Variants in PARP4 observed in about 807,000 individuals in gnomAD.
PARP4 encodes poly(ADP-ribose) polymerase family member 4, also known as protein mono-ADP-ribosyltransferase PARP4.
A neutral mutation model predicts 187.7 loss-of-function variants in PARP4; 120 were observed. The ratio of observed to expected loss-of-function variants is 0.64; its 90% CI spans 0.55 to 0.74. PARP4 has a LOEUF of 0.74. Ranked by LOEUF, PARP4 falls within the 30% of genes least tolerant of loss-of-function variation. The pLI, the probability that PARP4 is intolerant of heterozygous loss-of-function variation, is 0.00. For synonymous variants in PARP4, 654 were observed against 740.9 expected (o/e 0.88, Z 1.90); for missense variants, 1,836 against 2,070.5 (o/e 0.89, Z 2.20).
At chr13:24,492,316 G>T in intron 9 of PARP4, 105 bp downstream of exon 9, 1 of 747,282 alleles carries the variant, frequency 1.3e-6, no homozygotes. Flanking sequence ...GTACAACTCT[G>T]GAGACAATTT....
At chr13:24,479,281 A>G (rs1324471466) in intron 12 of PARP4, among the ~76,000 whole-genome samples, 5 of 151,658 alleles carry the variant, frequency 3.3e-5, no homozygotes, top group Non-Finnish European at 7.4e-5. Context: ...CAGTTCCCCC[A>G]TTCCTTCTAA....
At chr13:24,453,329 G>A (rs539945582) in intron 23 of PARP4, among the ~76,000 whole-genome samples, 2 of 151,728 alleles carry the variant, frequency 1.3e-5, no homozygotes, top group South Asian at 2.1e-4. Flanking sequence ...AAGGACAGAA[G>A]AAAACTTCTC....
intron 33 of PARP4, among the ~76,000 whole-genome samples, chr13:24,424,850 T>G (rs1198009385): frequency 0.011 from 1,690 of 151,844 alleles, 27 homozygotes; most frequent in African/African-American, 0.039. Flanking sequence ...TTTTTTTTTT[T>G]TTTGTATTTT....
At chr13:24,457,788 A>AAAAG (rs1251922869) in intron 20 of PARP4, among the ~76,000 whole-genome samples, 22 of 149,296 alleles carry the variant, frequency 1.5e-4, no homozygotes, top group African/African-American at 5.4e-4. Flanking sequence ...AAAAAAAAAA[A>AAAAG]AAAAAAAAGA....
intron 1 of PARP4, among the ~76,000 whole-genome samples, chr13:24,504,228 C>T (rs1869474752): frequency 6.6e-6 from 1 of 150,620 alleles, no homozygotes; most frequent in Non-Finnish European, 1.5e-5. Flanking sequence ...AACTGAACAG[C>T]TGATAATAAA....
chr13:24,435,435 A>T lies in PARP4; in HGVS notation c.3706T>A (p.Ser1236Thr). The change falls in exon 31 of 34, where the codon TCC becomes ACC. Residue 1236 changes from serine to threonine, a missense_variant. Physicochemically the swap from Ser to Thr is moderately conservative, Grantham distance 58 (BLOSUM62 1). Transcript: ENST00000381989. ...GGAATTTTCCTATGTTTTCGTTTGG[A>T]TAAACGTAATTCTGGCCACTCAGAG... is the stretch of plus-strand genomic sequence containing the variant. The part of the protein sequence containing the change: ...ASSEWPELRL[S>T]KRKHRKIPFS... The T allele has an allele frequency of 6.2e-7, 1 of 1,609,036 alleles. No homozygotes were observed. Among genetic ancestry groups the T allele is most frequent in the African/African-American group, 1.3e-5 (1 of 74,686 alleles).
intron 20 of PARP4, 110 bp downstream of exon 20, chr13:24,458,915 CAGGAGTAGTGCTTCTTGTT>C: frequency 1.5e-6 from 1 of 688,126 alleles, no homozygotes; most frequent in Non-Finnish European, 2.6e-6. Flanking sequence ...GAATCAGGGG[CAGGAGTAGTGCTTCTTGTT>C]AGAAGTTTTG....
intron 29 of PARP4, among the ~76,000 whole-genome samples, 195 bp from the exon 30 acceptor site, chr13:24,442,163 T>C (rs1298428190): frequency 2.0e-4 from 30 of 150,750 alleles, no homozygotes; most frequent in African/African-American, 7.1e-4. Context: ...TGGCAGGTGC[T>C]GGCCACTGTG....
chr13:24,483,031 T>C (rs1329079041), intron 12 of PARP4, among the ~76,000 whole-genome samples: 2 of 152,030 alleles, frequency 1.3e-5, no homozygotes, highest in Admixed American at 6.5e-5. Context: ...TTTCTTTTTT[T>C]TTTTTAAGAG....
intron 11 of PARP4, among the ~76,000 whole-genome samples, chr13:24,485,728 T>C (rs1873518114): frequency 6.6e-6 from 1 of 152,264 alleles, no homozygotes; most frequent in Non-Finnish European, 1.5e-5. Context: ...TCTTTAAATA[T>C]TGGGCTATCC....
At position 24,478,244 on chromosome 13, in the gene PARP4, G is replaced by C. The variant is rs542364083; in HGVS notation, c.1481C>G (p.Thr494Arg). 1.2e-6 allele frequency: 2 copies of C among 1,612,016 alleles called. No homozygotes were observed. Among genetic ancestry groups the C allele is most frequent in the Non-Finnish European group, 1.7e-6 (2 of 1,178,778 alleles). ...TSIKYSHPGE[T>R]DGTRLLLICD... ...AATGAGCAGGAGTCTGGTGCCATCT[G>C]TCTCTCCCGGGTGTGAGTACTTGAT... The change falls in exon 13 of 34, where the codon ACA becomes AGA. Residue 494 changes from threonine to arginine, a missense_variant. Physicochemically the swap from Thr to Arg is moderately conservative, Grantham distance 71. Transcript: ENST00000381989.
intron 32 of PARP4, among the ~76,000 whole-genome samples, chr13:24,429,638 C>A (rs1490488924): frequency 1.3e-5 from 2 of 152,202 alleles, no homozygotes; most frequent in African/African-American, 4.8e-5. Flanking sequence ...TTTGGTGCCA[C>A]TTGAACTCTA....
rs925331265 is a variant in PARP4 at position 24,452,686 on chromosome 13, T to C, written c.2827-93A>G. The C allele has an allele frequency of 8.6e-6, 8 of 926,566 alleles. No homozygotes were observed. In the Admixed American group the frequency reaches 2.0e-4, roughly 23 times the overall value. 57.4% of individuals were successfully genotyped at this position (926,566 alleles called of 1,614,324 possible). On this transcript the variant is annotated intron_variant, in intron 23 of 33. Transcript: ENST00000381989. The stretch of plus-strand genomic sequence containing the variant: ...GACACATCTAAGGACAGTGTAGGGA[T>C]ATGGTGACACCGAAAATATTTTCTT...
intron 17 of PARP4, among the ~76,000 whole-genome samples, chr13:24,465,187 G>T (rs572421860): frequency 1.3e-5 from 2 of 152,336 alleles, no homozygotes; most frequent in East Asian, 3.9e-4. Context: ...TACTCTGTTG[G>T]TGGGAGTGTA....
Position 24,435,016 on chromosome 13 carries a change from G to T in PARP4, c.4125C>A (p.Asp1375Glu), listed in dbSNP as rs1255508848. 6.2e-7 allele frequency: 1 copy of T among 1,613,848 alleles called. No individual in the cohort carries two copies. The highest frequency in any genetic ancestry group is 1.3e-5 in the African/African-American group (1 of 74,928). Residue 1375 changes from aspartate (D) to glutamate (E), a missense_variant, in exon 31 of 34, where the codon GAC becomes GAA. Around this residue, in one of 8 missense-constraint regions of PARP4, gnomAD observed 450 missense variants for 439.2 expected, o/e 1.02. Transcript: ENST00000381989. ...GACAAGACGCCGACTGTGGGATCCA[G>T]TCAGCACAAGTGCCAGGCACAGGGC... ...SQGPVPGTCA[D>E]WIPQSASCPT...
chr13:24,426,513 T>A lies in PARP4; in HGVS notation c.4932A>T (p.Gly1644=). ...QFIRTRLEKE[G]IVFKSLMKMD... ...TTTTCATCAGTGATTTGAACACTAT[T>A]CCCTCTTTTTCCAACCTGGTGCGAA... Residue 1644 remains glycine, a synonymous_variant, in exon 33 of 34, where the codon GGA becomes GGT. Coordinates refer to ENST00000381989, the MANE Select transcript of PARP4 (RefSeq NM_006437.4). 6.2e-7 allele frequency: 1 copy of A among 1,611,950 alleles called. No individual in the cohort carries two copies. Among genetic ancestry groups the A allele is most frequent in the East Asian group, 2.2e-5 (1 of 44,866 alleles).
Position 24,441,660 on chromosome 13 carries a change from T to C in PARP4, c.3666+186A>G, listed in dbSNP as rs73458973. ...TGTACTATACAGCTCCATTCACACA[T>C]TGTGAAGTCTCTGTAATGCAACATG... On this transcript the variant is annotated intron_variant, in intron 30 of 33. Transcript: ENST00000381989. Among the ~76,000 whole-genome samples, 7,696 of 145,142 alleles carry C rather than the reference T, an allele frequency of 0.053. 525 individuals are homozygous for C. Among genetic ancestry groups the C allele is most frequent in the African/African-American group, 0.17 (6,711 of 39,564 alleles).
At chr13:24,503,591 T>G (rs1272762784) in intron 2 of PARP4, 54 bp downstream of exon 2, 12 of 1,594,356 alleles carry the variant, frequency 7.5e-6, no homozygotes, top group Admixed American at 1.7e-5. Flanking sequence ...CATGACCCTG[T>G]TCCCTGAATG....
In PARP4 at chr13:24,455,009, G is replaced by A. The variant is rs199825180; in HGVS notation, c.2758+8C>T. On this transcript the variant is annotated splice_region_variant and intron_variant, in intron 22 of 33. Coordinates refer to ENST00000381989, the MANE Select transcript of PARP4 (RefSeq NM_006437.4). ...GCACACGCAGGACCAGGGCCAAAGC[G>A]CACTCACCTGTGCCGAACTGGATAA... 41 of 1,571,362 alleles carry A rather than the reference G, an allele frequency of 2.6e-5. No homozygotes were observed. The highest frequency in any genetic ancestry group is 2.3e-5 in the South Asian group (2 of 87,318).
Sources: gnomAD v4.1 joint callset for allele counts (sites outside exome capture counted in the v4.1 genomes callset) on GRCh38, gnomAD v4.1.1 for gene constraint, gnomAD v4.1.1 regional missense constraint, MANE v1.5 for transcripts, NCBI Gene and HGNC (gene_info 2026-07-23, HGNC 2026-07-21) for gene names.